Variants in ODF2 observed in about 807,000 individuals in gnomAD.
ODF2 encodes outer dense fiber protein 2.
ODF2 carries 47 observed loss-of-function variants against 110.2 expected under a neutral mutation model. The observed-to-expected ratio is 0.43, with a 90% CI of 0.34 to 0.54. The LOEUF (loss-of-function observed/expected upper bound fraction) is 0.54. ODF2 is among the 20% of genes least tolerant of loss of function. The pLI is 0.03. For synonymous variants in ODF2, 352 were observed against 397.7 expected (o/e 0.89, Z 1.37); for missense variants, 812 against 1,054.5 (o/e 0.77, Z 3.19).
intron 5 of ODF2, 144 bp downstream of exon 5, chr9:128,469,497 C>T (rs1021702885): frequency 3.8e-6 from 3 of 780,310 alleles, no homozygotes; most frequent in Non-Finnish European, 6.4e-6. Flanking sequence ...AGTTGCCTGC[C>T]CCGGGAGGTA....
chr9:128,499,597 A>ATGTTT lies in ODF2; in HGVS notation c.2302-470_2302-469insTGTTT, dbSNP rs1846226430. Among the ~76,000 whole-genome samples the ATGTTT allele has an allele frequency of 4.0e-5, 6 of 149,596 alleles. No homozygotes were observed. In the East Asian group the frequency reaches 5.9e-4, roughly 15 times the overall value. ...GGTGTGAGCCACTGCACCCAGACTC[A>ATGTTT]CGTTTTGTTTTGTTTTGTTTTGTTT... On this transcript the variant is annotated intron_variant, in intron 20 of 20. Transcript: ENST00000604420.
intron 5 of ODF2, 108 bp downstream of exon 5, chr9:128,469,461 T>G (rs548672679): frequency 1.3e-5 from 16 of 1,196,616 alleles, no homozygotes; most frequent in Non-Finnish European, 1.6e-5. Flanking sequence ...CCTTCAGGCC[T>G]CCTCTGCAGG....
chr9:128,477,219 C>T (rs372059201), intron 8 of ODF2, among the ~76,000 whole-genome samples: 23 of 146,954 alleles, frequency 1.6e-4, no homozygotes, highest in Non-Finnish European at 3.1e-4. Context: ...GGTGACAGAG[C>T]GAGACTCTGT....
In ODF2 at chr9:128,456,596, C is replaced by T. The variant is rs186798071; in HGVS notation, c.-209+341C>T. ...CTGCTGGTGGGTGGCCGTCCCTTCT[C>T]TCCGCCGACAGAGGCTCTCCCTCGC... On this transcript the variant is annotated intron_variant, in intron 1 of 20. Transcript: ENST00000604420. The T allele has an allele frequency of 2.9e-4, 448 of 1,521,770 alleles. 1 individual carries two copies. In the Middle Eastern group the frequency reaches 4.2e-3, roughly 14 times the overall value. 94.3% of individuals were successfully genotyped at this position (1,521,770 alleles called of 1,614,324 possible).
chr9:128,457,020 A>G, intron 1 of ODF2: 28 of 1,272,770 alleles, frequency 2.2e-5, no homozygotes, highest in Non-Finnish European at 2.8e-5. Flanking sequence ...AGCGGTTCTC[A>G]CCCGCCCTCT....
intron 8 of ODF2, among the ~76,000 whole-genome samples, chr9:128,474,784 A>G (rs1840885039): frequency 6.6e-6 from 1 of 152,106 alleles, no homozygotes; most frequent in Non-Finnish European, 1.5e-5. Flanking sequence ...CAACGTGGTG[A>G]AACCCCATCT....
chr9:128,473,841 C>G, intron 8 of ODF2, 100 bp downstream of exon 8: 1 of 1,074,142 alleles, frequency 9.3e-7, no homozygotes, highest in Non-Finnish European at 1.4e-6. Context: ...GGTGCCCGAC[C>G]TGAGAGGTCC....
At chr9:128,472,831 C>G (rs1840361889) in intron 6 of ODF2, 82 bp from the exon 7 acceptor site, 5 of 1,595,552 alleles carry the variant, frequency 3.1e-6, no homozygotes, top group Non-Finnish European at 4.3e-6. Flanking sequence ...GGTGAGCCCC[C>G]TAGGGCATTG....
Position 128,469,441 on chromosome 9 carries a change from C to T in ODF2, c.420+88C>T, listed in dbSNP as rs1057099836. The stretch of plus-strand genomic sequence containing the variant: ...ATTTCCTGCCTGGTCCCTCAGCCTG[C>T]GTCTGCAGGCCTTCAGGCCTCCTCT... On this transcript the variant is annotated intron_variant, in intron 5 of 20. Transcript: ENST00000604420. 1.0e-4 allele frequency: 140 copies of T among 1,400,250 alleles called. No individual in the cohort carries two copies. In the Middle Eastern group the frequency reaches 1.6e-3, roughly 16 times the overall value. The allele number at this position is 1,400,250 out of a possible 1,614,324, so 86.7% of individuals were successfully genotyped here.
rs993992699 is a variant in ODF2 at position 128,484,061 on chromosome 9, A to G, written c.1104+7A>G. The G allele has an allele frequency of 8.8e-6, 14 of 1,599,770 alleles. No homozygotes were observed. In the African/African-American group the frequency reaches 9.4e-5, roughly 11 times the overall value. On this transcript the variant is annotated splice_region_variant and intron_variant, in intron 11 of 20. Coordinates refer to ENST00000604420, the Ensembl canonical transcript of ODF2. ...CCTGTGCATGCAGATTAAGGTACCTATTGGCCCCACAAGTGGGGAAAGAGG... is the reference window on the plus strand; with the variant it reads ...CCTGTGCATGCAGATTAAGGTACCTGTTGGCCCCACAAGTGGGGAAAGAGG...
intron 6 of ODF2, among the ~76,000 whole-genome samples, chr9:128,471,704 G>T (rs1840032981): frequency 6.6e-6 from 1 of 152,112 alleles, no homozygotes; most frequent in Non-Finnish European, 1.5e-5. Context: ...GGGTAGCAGG[G>T]AACTGTTTCT....
chr9:128,486,472 T>C (rs191994470), intron 13 of ODF2, among the ~76,000 whole-genome samples: 129 of 152,222 alleles, frequency 8.5e-4, no homozygotes, highest in Non-Finnish European at 1.4e-3. Flanking sequence ...CAAACTGATA[T>C]GTTTGCTTGG....
intron 4 of ODF2, among the ~76,000 whole-genome samples, chr9:128,467,334 G>C (rs1212660696): frequency 1.3e-5 from 2 of 151,818 alleles, no homozygotes; most frequent in South Asian, 2.1e-4. Context: ...GGTGTTTTGG[G>C]ACCACTGTCA....
rs779120706 is a variant in ODF2 at position 128,461,069 on chromosome 9, T to G, written c.249+2T>G. 6.2e-7 allele frequency: 1 copy of G among 1,613,714 alleles called. No individual in the cohort carries two copies. Among genetic ancestry groups the G allele is most frequent in the South Asian group, 1.1e-5 (1 of 91,040 alleles). ...CGGCCTGTGGGATGCAAGTGGGAGG[T>G]AGGCTCACCCTTGCCCAGGCTTTTC... On this transcript the variant is annotated splice_donor_variant, in intron 4 of 20. Coordinates refer to ENST00000604420, the Ensembl canonical transcript of ODF2. LOFTEE classifies it high-confidence loss of function.
At chr9:128,455,314 G>T, upstream of ODF2, 1 of 1,222,492 alleles carries the variant, frequency 8.2e-7, no homozygotes, top group Non-Finnish European at 1.1e-6. Context: ...CACTTTGGAA[G>T]GCCGAGGCGG....
chr9:128,471,210 G>A (rs537563217), intron 5 of ODF2, 98 bp from the exon 6 acceptor site: 38 of 1,294,814 alleles, frequency 2.9e-5, no homozygotes, highest in South Asian at 1.1e-4. Flanking sequence ...CACCACGCCC[G>A]GCCGGGGCCT....
At chr9:128,474,009 C>T (rs547373133) in intron 8 of ODF2, among the ~76,000 whole-genome samples, 24 of 152,162 alleles carry the variant, frequency 1.6e-4, no homozygotes, top group African/African-American at 5.3e-4. Context: ...CAGCCCAGGG[C>T]ATAGAAAAGA....
intron 9 of ODF2, 101 bp from the exon 10 acceptor site, chr9:128,482,715 C>A: frequency 1.2e-6 from 1 of 804,890 alleles, no homozygotes; most frequent in Admixed American, 2.5e-5. Context: ...GTATGTAGGA[C>A]CTTGGGCCCC....
upstream of ODF2, chr9:128,455,207 A>G (rs1292702473): frequency 2.6e-6 from 4 of 1,535,552 alleles, no homozygotes; most frequent in Non-Finnish European, 2.6e-6. Flanking sequence ...ATGGCGGACC[A>G]GCAAGGACCT....
Sources: gnomAD v4.1 joint callset for allele counts (sites outside exome capture counted in the v4.1 genomes callset) on GRCh38, gnomAD v4.1.1 for gene constraint, MANE v1.5 for transcripts, NCBI Gene and HGNC (gene_info 2026-07-23, HGNC 2026-07-21) for gene names.